Variants in ADGRB3 observed in about 807,000 individuals in gnomAD.
The protein encoded by ADGRB3 is brain-specific angiogenesis inhibitor 3.
In ADGRB3, 37 loss-of-function variants were observed where a neutral mutation model predicts 193.4. That is an observed-to-expected ratio of 0.19 (90% CI 0.15 to 0.25). The LOEUF (loss-of-function observed/expected upper bound fraction) is 0.25, where lower values mean the gene tolerates loss of function less well. ADGRB3 is among the 10% of genes least tolerant of loss of function. ADGRB3 has a pLI of 1.00. For synonymous variants in ADGRB3, 690 were observed against 644.2 expected, an observed-to-expected ratio of 1.07 and a Z score of -1.08; for missense variants, 1,637 against 1,852.9, an observed-to-expected ratio of 0.88 and a Z score of 2.14.
intron 3 of ADGRB3, among the ~76,000 whole-genome samples, chr6:68,711,685 G>C (rs896464827): frequency 1.3e-4 from 20 of 152,172 alleles, no homozygotes; most frequent in Non-Finnish European, 2.5e-4. Flanking sequence ...TGGGTCTGCT[G>C]TTAGCCCATC....
chr6:68,646,362 G>A (rs1015813302), intron 3 of ADGRB3, among the ~76,000 whole-genome samples: 5 of 150,974 alleles, frequency 3.3e-5, no homozygotes, highest in Non-Finnish European at 7.4e-5. Context: ...CTGCAATCCC[G>A]ACTTCTCAGG....
intron 17 of ADGRB3, among the ~76,000 whole-genome samples, chr6:69,173,469 A>C (rs1299830254): frequency 1.3e-5 from 2 of 152,170 alleles, no homozygotes; most frequent in African/African-American, 4.8e-5. Flanking sequence ...ATTTTTGTGG[A>C]TCACTTAGTG....
intron 3 of ADGRB3, among the ~76,000 whole-genome samples, chr6:68,702,350 C>G (rs1765255577): frequency 6.6e-6 from 1 of 152,046 alleles, no homozygotes; most frequent in South Asian, 2.1e-4. Context: ...TCCCCATGAT[C>G]CAATTATCTC....
intron 15 of ADGRB3, among the ~76,000 whole-genome samples, chr6:69,051,207 T>C (rs936342830): frequency 4.6e-5 from 7 of 152,180 alleles, no homozygotes; most frequent in African/African-American, 7.2e-5. Flanking sequence ...TTAATGGATA[T>C]AGTAGAGACT....
At chr6:69,191,917 T>C (rs989044270) in intron 17 of ADGRB3, among the ~76,000 whole-genome samples, 1 of 152,138 alleles carries the variant, frequency 6.6e-6, no homozygotes, top group East Asian at 1.9e-4. Context: ...AGTGACTGTT[T>C]ATGTAATTCT....
intron 3 of ADGRB3, among the ~76,000 whole-genome samples, chr6:68,906,336 ATATATTGAAGGTATACCATG>A (rs945035573): frequency 6.6e-6 from 1 of 151,874 alleles, no homozygotes; most frequent in African/African-American, 2.4e-5. Flanking sequence ...GGTATACCAT[ATATATTGAAGGTATACCATG>A]TATATTGAAG....
intron 17 of ADGRB3, among the ~76,000 whole-genome samples, chr6:69,216,796 C>T (rs1375517213): frequency 6.6e-6 from 1 of 152,076 alleles, no homozygotes; most frequent in East Asian, 1.9e-4. Flanking sequence ...GACATGGGGT[C>T]CCAGTGGTGT....
chr6:68,823,449 T>C (rs1185983164), intron 3 of ADGRB3, among the ~76,000 whole-genome samples: 1 of 152,042 alleles, frequency 6.6e-6, no homozygotes, highest in African/African-American at 2.4e-5. Context: ...GATACTAATA[T>C]TCTATTATTT....
chr6:69,299,758 A>C lies in ADGRB3; in HGVS notation c.2815-25114A>C, dbSNP rs576213380. On this transcript the variant is annotated intron_variant, in intron 20 of 31. Transcript: ENST00000370598. ...TAATCTATGTGTCTGTATTTATGTC[A>C]GTACTATGATATTTTGGTTACTATA... Among the ~76,000 whole-genome samples, 3 of 151,954 alleles carry C rather than the reference A, an allele frequency of 2.0e-5. No individual in the cohort carries two copies. The South Asian group carries it at 6.2e-4, about 31-fold the overall frequency.
At chr6:68,696,670 T>C (rs1343684416) in intron 3 of ADGRB3, among the ~76,000 whole-genome samples, 2 of 151,960 alleles carry the variant, frequency 1.3e-5, no homozygotes, top group Non-Finnish European at 2.9e-5. Flanking sequence ...TTACCAGTAA[T>C]TAAATGTCAG....
chr6:68,858,422 T>G (rs1430497740), intron 3 of ADGRB3, among the ~76,000 whole-genome samples: 1 of 149,490 alleles, frequency 6.7e-6, no homozygotes, highest in Non-Finnish European at 1.5e-5. Context: ...GAGAATTGTG[T>G]GAACTCAGGA....
chr6:68,718,068 A>C (rs756580028), intron 3 of ADGRB3, among the ~76,000 whole-genome samples: 40 of 151,806 alleles, frequency 2.6e-4, no homozygotes, highest in Non-Finnish European at 2.8e-4. Flanking sequence ...AAGTTTCAAA[A>C]TGGGCTCAAA....
rs139907392 is a variant in ADGRB3, at chr6:69,295,158, G to A, written c.2815-29714G>A. ...AACCACAGCCAAGTTTCAATTATCCGTGTCAGTAGATTCGGTGATCTTTGA... is the reference window on the plus strand; with the variant it reads ...AACCACAGCCAAGTTTCAATTATCCATGTCAGTAGATTCGGTGATCTTTGA... On this transcript the variant is annotated intron_variant, in intron 20 of 31. Coordinates refer to ENST00000370598, the MANE Select transcript of ADGRB3 (RefSeq NM_001704.3). Among the ~76,000 whole-genome samples, 27 of 152,244 alleles carry A rather than the reference G, an allele frequency of 1.8e-4. 1 individual carries two copies. The highest frequency in any genetic ancestry group is 1.2e-3 in the South Asian group (6 of 4,828).
chr6:68,899,287 T>C (rs1323836860), intron 3 of ADGRB3, among the ~76,000 whole-genome samples: 1 of 152,152 alleles, frequency 6.6e-6, no homozygotes, highest in Admixed American at 6.6e-5. Flanking sequence ...ATAAATTATT[T>C]TGCCATTCTT....
chr6:69,312,683 T>C (rs1430879537), intron 20 of ADGRB3, among the ~76,000 whole-genome samples: 2 of 151,696 alleles, frequency 1.3e-5, no homozygotes, highest in Non-Finnish European at 2.9e-5. Flanking sequence ...CATTACTTTG[T>C]TTTTGCTTAA....
intron 15 of ADGRB3, among the ~76,000 whole-genome samples, chr6:69,049,605 A>AAAAAG (rs1011953764): frequency 3.9e-5 from 6 of 152,142 alleles, no homozygotes; most frequent in Non-Finnish European, 7.4e-5. Flanking sequence ...TACTGAAAGA[A>AAAAAG]AAAAGAAAAG....
At chr6:68,721,043 T>A (rs1440847429) in intron 3 of ADGRB3, among the ~76,000 whole-genome samples, 1 of 151,856 alleles carries the variant, frequency 6.6e-6, no homozygotes, top group Non-Finnish European at 1.5e-5. Flanking sequence ...GTAAACTAGT[T>A]CAACCATTGT....
chr6:68,704,150 T>C (rs1486291684), intron 3 of ADGRB3, among the ~76,000 whole-genome samples: 1 of 152,182 alleles, frequency 6.6e-6, no homozygotes, highest in Non-Finnish European at 1.5e-5. Flanking sequence ...TACATTTAAT[T>C]TGAAGGTTGT....
At chr6:68,798,688 C>A (rs1299808826) in intron 3 of ADGRB3, among the ~76,000 whole-genome samples, 1 of 152,050 alleles carries the variant, frequency 6.6e-6, no homozygotes, top group Non-Finnish European at 1.5e-5. Flanking sequence ...ATAGTAAGAA[C>A]AAAACATAGA....
Sources: allele counts gnomAD v4.1 joint callset (sites outside exome capture counted in the v4.1 genomes callset), GRCh38; gene constraint gnomAD v4.1.1; transcripts MANE v1.5; gene names NCBI Gene and HGNC (gene_info 2026-07-23, HGNC 2026-07-21).